Variants in MSL2 observed in about 807,000 individuals in gnomAD.
The protein encoded by MSL2 is MSL complex subunit 2, also known as E3 ubiquitin-protein ligase MSL2.
Under a neutral mutation model 35.8 loss-of-function variants are expected in MSL2, and 2 were observed. The observed-to-expected ratio is 0.06, with a 90% CI of 0.02 to 0.18. The LOEUF (loss-of-function observed/expected upper bound fraction) is 0.18. MSL2 is among the 10% of genes least tolerant of loss of function. The pLI, the probability that MSL2 is intolerant of heterozygous loss-of-function variation, is 1.00. For synonymous variants in MSL2, 296 were observed against 255.7 expected (o/e 1.16, Z -1.50); for missense variants, 523 against 706.7 (o/e 0.74, Z 2.95).
At chr3:136,153,842 G>T (rs1430679668) in intron 1 of MSL2, among the ~76,000 whole-genome samples, 2 of 152,034 alleles carry the variant, frequency 1.3e-5, no homozygotes, top group East Asian at 1.9e-4. Context: ...CAGCACTTTG[G>T]GGGGCTGAGG....
At chr3:136,189,628 G>A (rs1224010215) in intron 1 of MSL2, among the ~76,000 whole-genome samples, 1 of 150,794 alleles carries the variant, frequency 6.6e-6, no homozygotes, top group Non-Finnish European at 1.5e-5. Context: ...GGAGGCTGAG[G>A]CAGGAGAATG....
chr3:136,191,974 A>G (rs926398644), intron 1 of MSL2, among the ~76,000 whole-genome samples: 2 of 152,172 alleles, frequency 1.3e-5, no homozygotes, highest in African/African-American at 4.8e-5. Flanking sequence ...GCTGTCATAA[A>G]CACCTACATG....
chr3:136,165,501 A>G (rs1397531599), intron 1 of MSL2, among the ~76,000 whole-genome samples: 1 of 152,156 alleles, frequency 6.6e-6, no homozygotes, highest in Non-Finnish European at 1.5e-5. Context: ...CACAATGCTA[A>G]TTTTTGTAAT....
chr3:136,160,333 AGGAAGGAG>A (rs1209305459), intron 1 of MSL2, among the ~76,000 whole-genome samples: 4 of 20,082 alleles, frequency 2.0e-4, no homozygotes, highest in South Asian at 3.5e-3. Context: ...GAAGGAGGGA[AGGAAGGAG>A]GGAGGGAGGG....
Position 136,182,013 on chromosome 3 carries a change from A to T in MSL2, c.142+12959T>A, listed in dbSNP as rs186186263. Among the ~76,000 whole-genome samples, 458 of 152,194 alleles carry T rather than the reference A, an allele frequency of 3.0e-3. 13 individuals carry two copies. Among genetic ancestry groups the T allele is most frequent in the Admixed American group, 0.026 (391 of 15,292 alleles). ...AAATTTTTTAATTTAAAATTTTTTT[A>T]AAAAATCAAAACTTAAACAAGATGA... On this transcript the variant is annotated intron_variant, in intron 1 of 1. Coordinates refer to ENST00000309993, the MANE Select transcript of MSL2 (RefSeq NM_018133.4).
chr3:136,172,796 G>A (rs769417801), intron 1 of MSL2, among the ~76,000 whole-genome samples: 2 of 151,954 alleles, frequency 1.3e-5, no homozygotes, highest in Non-Finnish European at 1.5e-5. Flanking sequence ...AGTACAAATT[G>A]TTGTTCAGAA....
chr3:136,185,486 C>G (rs1176202749), intron 1 of MSL2, among the ~76,000 whole-genome samples: 1 of 139,242 alleles, frequency 7.2e-6, no homozygotes, highest in East Asian at 2.1e-4. Context: ...GAAACTAAAA[C>G]AAGGATGCTA....
intron 1 of MSL2, among the ~76,000 whole-genome samples, chr3:136,172,536 G>A (rs536335940): frequency 8.1e-4 from 123 of 152,180 alleles, no homozygotes; most frequent in African/African-American, 2.7e-3. Context: ...CAAATGTAGT[G>A]GGCACTTCTG....
chr3:136,173,793 C>T (rs1940095238), intron 1 of MSL2, among the ~76,000 whole-genome samples: 1 of 152,178 alleles, frequency 6.6e-6, no homozygotes, highest in Non-Finnish European at 1.5e-5. Flanking sequence ...TTTGGAATGA[C>T]ATATAAGGCC....
chr3:136,179,429 T>C (rs1028832696), intron 1 of MSL2, among the ~76,000 whole-genome samples: 3 of 152,158 alleles, frequency 2.0e-5, no homozygotes, highest in African/African-American at 7.2e-5. Flanking sequence ...GCAATCTACC[T>C]GCCTTGGCAT....
intron 1 of MSL2, among the ~76,000 whole-genome samples, chr3:136,171,032 T>C (rs1354262615): frequency 6.6e-6 from 1 of 152,210 alleles, no homozygotes; most frequent in African/African-American, 2.4e-5. Context: ...ATGATGAATG[T>C]TTTCTGTATG....
At chr3:136,160,633 T>C (rs149354368) in intron 1 of MSL2, among the ~76,000 whole-genome samples, 1,522 of 147,660 alleles carry the variant, frequency 0.01, 29 homozygotes, top group African/African-American at 0.034. Flanking sequence ...TCGCTTGAAC[T>C]CAGGAGGCGG....
At chr3:136,171,798 G>GCAAAAAATA (rs1940033376) in intron 1 of MSL2, among the ~76,000 whole-genome samples, 1 of 152,182 alleles carries the variant, frequency 6.6e-6, no homozygotes, top group East Asian at 1.9e-4. Context: ...TGTATCAAAA[G>GCAAAAAATA]CCTTGCATTT....
intron 1 of MSL2, among the ~76,000 whole-genome samples, chr3:136,183,240 T>C (rs1940418857): frequency 6.6e-6 from 1 of 151,132 alleles, no homozygotes; most frequent in Non-Finnish European, 1.5e-5. Context: ...GATGATAGAA[T>C]TAGTAAACAA....
intron 1 of MSL2, among the ~76,000 whole-genome samples, chr3:136,164,969 G>A (rs981477278): frequency 1.3e-5 from 2 of 151,946 alleles, no homozygotes; most frequent in Admixed American, 6.6e-5. Context: ...CATCTCCCAG[G>A]TTCAAGCAAT....
At chr3:136,171,026 T>C (rs1262100059) in intron 1 of MSL2, among the ~76,000 whole-genome samples, 1 of 152,224 alleles carries the variant, frequency 6.6e-6, no homozygotes, top group Non-Finnish European at 1.5e-5. Flanking sequence ...GTCCTAATGA[T>C]GAATGTTTTC....
chr3:136,165,550 G>C (rs557898857), intron 1 of MSL2, among the ~76,000 whole-genome samples: 2 of 152,114 alleles, frequency 1.3e-5, no homozygotes, highest in Non-Finnish European at 2.9e-5. Context: ...AATTTACTAA[G>C]ATATTTAATA....
At chr3:136,189,520 C>T (rs546878582) in intron 1 of MSL2, among the ~76,000 whole-genome samples, 16 of 149,136 alleles carry the variant, frequency 1.1e-4, no homozygotes, top group Admixed American at 2.0e-4. Context: ...GTCAGGAGAT[C>T]GAGACCATCC....
Position 136,194,997 on chromosome 3 carries a change from T to C in MSL2, c.117A>G (p.Arg39=), listed in dbSNP as rs750662226. 6 of 1,613,644 alleles carry C rather than the reference T, an allele frequency of 3.7e-6. No homozygotes were observed. Among genetic ancestry groups the C allele is most frequent in the African/African-American group, 1.3e-5 (1 of 74,890 alleles). ...TEINRLLPYF[R]QSLSCCVCGH... The stretch of plus-strand genomic sequence containing the variant: ...CGCAAACACAGCACGAAAGGGACTG[T>C]CGGAAGTAAGGCAAGAGCCTGTTAA... Residue 39 remains arginine, a synonymous_variant, in exon 1 of 2, where the codon CGA becomes CGG. Coordinates refer to ENST00000309993, the MANE Select transcript of MSL2 (RefSeq NM_018133.4).
Sources: gnomAD v4.1 joint callset for allele counts (sites outside exome capture counted in the v4.1 genomes callset) on GRCh38, gnomAD v4.1.1 for gene constraint, MANE v1.5 for transcripts, NCBI Gene and HGNC (gene_info 2026-07-23, HGNC 2026-07-21) for gene names.